PAX6: variants seen among roughly 807,000 people sequenced by gnomAD.
PAX6 encodes the protein paired box 6, also known as paired box protein Pax-6.
PAX6 carries 7 observed loss-of-function variants against 60.7 expected under a neutral mutation model. The ratio of observed to expected loss-of-function variants is 0.12; its 90% confidence interval spans 0.07 to 0.22. The LOEUF (loss-of-function observed/expected upper bound fraction) is 0.22. Among genes scored for constraint, PAX6 ranks in the 10% least tolerant of loss-of-function variants. The pLI, the probability that PAX6 is intolerant of heterozygous loss-of-function variation, is 1.00. For missense variants in PAX6, 355 were observed against 555.2 expected, an observed-to-expected ratio of 0.64 and a Z score of 3.62; for synonymous variants, 208 against 201.2, an observed-to-expected ratio of 1.03 and a Z score of -0.29.
intron 2 of PAX6, chr11:31,807,581 T>C (rs1956125437): frequency 6.6e-6 from 1 of 152,222 alleles, no homozygotes. Flanking sequence ...ACTTCTCTTT[T>C]GGCGTTTAGA....
At chr11:31,802,661 A>C (rs768500846) in intron 5 of PAX6, 43 bp downstream of exon 5, 7 of 1,592,776 alleles carry the variant, frequency 4.4e-6, no homozygotes, top group South Asian at 2.2e-5. Context: ...TTGAGAGTGG[A>C]GGGCCGCGGG....
At chr11:31,812,465 C>G (rs1957148073), upstream of PAX6, 1 of 152,636 alleles carries the variant, frequency 6.6e-6, no homozygotes, top group South Asian at 2.1e-4. Flanking sequence ...AGGCAGCTCC[C>G]CTTCAGCTGT....
At chr11:31,810,723 T>C (rs529889609) in intron 2 of PAX6, 105 bp downstream of exon 2, 24 of 394,698 alleles carry the variant, frequency 6.1e-5, no homozygotes, top group African/African-American at 2.1e-4. Flanking sequence ...GGCGTAGCAG[T>C]GGGGGAGGGG....
chr11:31,789,558 T>A lies in PAX6; in HGVS notation c.*376A>T. ...ACTCTTAAATTCGTGGCAAAGCTTG[T>A]TGATCATGGTTTTCTTTTTAAAAAA... is the stretch of plus-strand genomic sequence containing the variant. On this transcript the variant is annotated 3_prime_UTR_variant, in exon 14 of 14. Transcript: ENST00000640368. 1 of 602,910 alleles carries A rather than the reference T, an allele frequency of 1.7e-6. No homozygotes were observed. Among genetic ancestry groups the A allele is most frequent in the Non-Finnish European group, 2.9e-6 (1 of 343,402 alleles). 37.3% of individuals were successfully genotyped at this position (602,910 alleles called of 1,614,324 possible).
rs766518284 is a variant in PAX6 at position 31,789,599 on chromosome 11, A to G, written c.*335T>C. The G allele has an allele frequency of 2.6e-4, 158 of 609,642 alleles. No homozygotes were observed. Among genetic ancestry groups the G allele is most frequent in the Non-Finnish European group, 4.0e-4 (138 of 344,988 alleles). 37.8% of individuals were successfully genotyped at this position (609,642 alleles called of 1,614,324 possible). ...TTTTAAAAAAAAAAAAAACAACTTC[A>G]TGACCAACACAGATCAAACATCCAT... is the stretch of plus-strand genomic sequence containing the variant. On this transcript the variant is annotated 3_prime_UTR_variant, in exon 14 of 14. Transcript: ENST00000640368.
chr11:31,808,912 G>A (rs987689812), intron 2 of PAX6: 13 of 152,338 alleles, frequency 8.5e-5, no homozygotes, highest in African/African-American at 3.1e-4. Flanking sequence ...CCGAGGCTCT[G>A]TACGGCCTCG....
intron 8 of PAX6, among the ~76,000 whole-genome samples, chr11:31,796,220 G>T (rs752172221): frequency 6.6e-6 from 1 of 152,300 alleles, no homozygotes; most frequent in African/African-American, 2.4e-5. Flanking sequence ...GCTGCACAAT[G>T]CCCCGCGAGT....
chr11:31,793,178 A>G, intron 12 of PAX6: 1 of 646,254 alleles, frequency 1.5e-6, no homozygotes, highest in South Asian at 1.8e-5. Context: ...AACATTATCA[A>G]GGTAACAGTA....
At chr11:31,790,423 A>T (rs1949522874) in intron 13 of PAX6, 1 of 1,312,578 alleles carries the variant, frequency 7.6e-7, no homozygotes, top group South Asian at 1.5e-5. Flanking sequence ...TGGGCCCCCT[A>T]CTGAGCTTCG....
At chr11:31,790,422 T>TA in intron 13 of PAX6, 1 of 1,310,474 alleles carries the variant, frequency 7.6e-7, no homozygotes, top group Non-Finnish European at 9.8e-7. Flanking sequence ...GTGGGCCCCC[T>TA]ACTGAGCTTC....
intron 8 of PAX6, among the ~76,000 whole-genome samples, chr11:31,796,555 A>G (rs1951609540): frequency 8.0e-6 from 1 of 124,342 alleles, no homozygotes; most frequent in Non-Finnish European, 1.6e-5. Context: ...GGGTTCCTAC[A>G]TAGAGGAGAT....
upstream of PAX6, chr11:31,811,454 G>A (rs1013142272): frequency 5.3e-6 from 2 of 377,720 alleles, no homozygotes; most frequent in Non-Finnish European, 9.4e-6. Flanking sequence ...GAATACACTT[G>A]TTTTCGGCTC....
chr11:31,803,407 C>T (rs1422809451), intron 4 of PAX6: 1 of 158,272 alleles, frequency 6.3e-6, no homozygotes, highest in Non-Finnish European at 1.4e-5. Flanking sequence ...CCTTACAGCC[C>T]TTGAGTGCTC....
rs527896577 is a variant in PAX6 at position 31,802,153 on chromosome 11, A to C, written c.142-241T>G. 4 of 542,896 alleles carry C rather than the reference A, an allele frequency of 7.4e-6. No homozygotes were observed. In the Admixed American group the frequency reaches 1.4e-4, roughly 19 times the overall value. 33.6% of individuals were successfully genotyped at this position (542,896 alleles called of 1,614,324 possible). Reference sequence around the variant, plus strand: ...TGCTGACCTTGCTTAAAGTGGCGTTATGTTTTAAAGAACAAAGGTAAAAAA... The same window carrying C: ...TGCTGACCTTGCTTAAAGTGGCGTTCTGTTTTAAAGAACAAAGGTAAAAAA... On this transcript the variant is annotated intron_variant, in intron 5 of 13. Coordinates refer to ENST00000640368, the MANE Select transcript of PAX6 (RefSeq NM_001368894.2).
Position 31,806,295 on chromosome 11 carries a change from G to C in PAX6, c.10+107C>G, listed in dbSNP as rs562312770. On this transcript the variant is annotated intron_variant, in intron 4 of 13. Coordinates refer to ENST00000640368, the MANE Select transcript of PAX6 (RefSeq NM_001368894.2). Reference sequence around the variant, plus strand: ...CGCCGCAGGTCCCCGGGCCTCAGTCGGTCGGCGGCCGGGCCAGCGCGGGCG... The same window carrying C: ...CGCCGCAGGTCCCCGGGCCTCAGTCCGTCGGCGGCCGGGCCAGCGCGGGCG... 250 of 1,364,414 alleles carry C rather than the reference G, an allele frequency of 1.8e-4. 5 individuals are homozygous for C. In the South Asian group the frequency reaches 2.9e-3, roughly 16 times the overall value. 84.5% of individuals were successfully genotyped at this position (1,364,414 alleles called of 1,614,324 possible).
intron 7 of PAX6, chr11:31,801,346 T>G (rs1220014482): frequency 2.7e-6 from 4 of 1,455,926 alleles, no homozygotes; most frequent in South Asian, 2.9e-5. Context: ...AGCATGCAAA[T>G]GAAGTGAATG....
chr11:31,816,560 C>A (rs1477491531), intron 1 of PAX6: 2 of 702,662 alleles, frequency 2.8e-6, no homozygotes, highest in Non-Finnish European at 2.6e-6. Flanking sequence ...AGAAGGTCCA[C>A]TTCCCACTGC....
At chr11:31,797,833 G>T (rs927434943) in intron 8 of PAX6, among the ~76,000 whole-genome samples, 5 of 152,084 alleles carry the variant, frequency 3.3e-5, no homozygotes, top group Non-Finnish European at 5.9e-5. Flanking sequence ...TTCAAAAGGC[G>T]CCCCCTCGGA....
In PAX6 at chr11:31,794,707, A is replaced by C. The variant is rs1950980284; in HGVS notation, c.647T>G (p.Met216Arg). The C allele has an allele frequency of 1.9e-6, 3 of 1,614,170 alleles. No homozygotes were observed. Among genetic ancestry groups the C allele is most frequent in the Non-Finnish European group, 2.5e-6 (3 of 1,180,018 alleles). Residue 216 changes from methionine to arginine, a missense_variant, in exon 9 of 14, where the codon ATG (methionine) becomes AGG (arginine). Around this residue, in one of 5 missense-constraint regions of PAX6, gnomAD observed 143 missense variants for 183.6 expected, o/e 0.78. Coordinates refer to ENST00000640368, the MANE Select transcript of PAX6 (RefSeq NM_001368894.2). ...SNGEDSDEAQ[M>R]RLQLKRKLQR... ...CAGCTTCCGCTTCAGCTGAAGTCGC[A>C]TTTGAGCCTCATCTGAATCTTCTCC...
Sources: allele counts gnomAD v4.1 joint callset (sites outside exome capture counted in the v4.1 genomes callset), GRCh38; gene constraint gnomAD v4.1.1; regional missense constraint gnomAD v4.1.1; transcripts MANE v1.5; gene names NCBI Gene and HGNC (gene_info 2026-07-23, HGNC 2026-07-21).